Variants in MCUB observed in about 807,000 individuals in gnomAD.
MCUB encodes the protein mitochondrial calcium uniporter dominant negative subunit beta.
In MCUB, 46 loss-of-function variants were observed where a neutral mutation model predicts 41.4. The ratio of observed to expected loss-of-function variants is 1.11; its 90% CI spans 0.88 to 1.42. MCUB has a LOEUF of 1.42. Ranked by LOEUF, MCUB falls within the 40% of genes most tolerant of loss-of-function variation. The pLI, the probability that MCUB is intolerant of heterozygous loss-of-function variation, is 0.00. For synonymous variants in MCUB, 148 were observed against 148.2 expected, an observed-to-expected ratio of 1.00 and a Z score of 0.01; for missense variants, 403 against 404.9, an observed-to-expected ratio of 1.00 and a Z score of 0.04.
At chr4:109,582,141 T>C (rs1470420471) in intron 1 of MCUB, among the ~76,000 whole-genome samples, 1 of 151,996 alleles carries the variant, frequency 6.6e-6, no homozygotes, top group African/African-American at 2.4e-5. Context: ...TGTCCATCAA[T>C]GATAGACCGG....
chr4:109,603,298 T>C (rs1254321011), intron 1 of MCUB, among the ~76,000 whole-genome samples: 2 of 152,216 alleles, frequency 1.3e-5, no homozygotes, highest in Non-Finnish European at 2.9e-5. Flanking sequence ...GGTTTCGCTG[T>C]GTTGGCCGGG....
chr4:109,619,692 T>C (rs1255139628), intron 1 of MCUB, among the ~76,000 whole-genome samples: 2 of 152,142 alleles, frequency 1.3e-5, no homozygotes, highest in East Asian at 3.9e-4. Context: ...GGTGACTGGG[T>C]GGGACTCTGT....
Position 109,650,149 on chromosome 4 carries a change from A to G in MCUB, c.100-8862A>G, listed in dbSNP as rs192012082. Among the ~76,000 whole-genome samples the G allele has an allele frequency of 1.4e-4, 22 of 152,298 alleles. 1 individual carries two copies. The highest frequency in any genetic ancestry group is 5.1e-4 in the African/African-American group (21 of 41,562). ...CCTGAGTTTTGGTGAGTCATTCTTG[A>G]AATTCAGCTCTGCATGCATGATGGG... On this transcript the variant is annotated intron_variant, in intron 1 of 7. Coordinates refer to ENST00000394650, the MANE Select transcript of MCUB (RefSeq NM_017918.5).
At position 109,620,376 on chromosome 4, in the gene MCUB, TAATA is replaced by T. The variant is rs779921355; in HGVS notation, c.100-38631_100-38628del. 3.3e-5 allele frequency among the ~76,000 whole-genome samples: 5 copies of T among 151,818 alleles called. No homozygotes were observed. The South Asian group carries it at 6.3e-4, about 19-fold the overall frequency. On this transcript the variant is annotated intron_variant, in intron 1 of 7. Coordinates refer to ENST00000394650, the MANE Select transcript of MCUB (RefSeq NM_017918.5). ...GTTCCTCACTGGACAGTACTAATTATAATAAATTATTGTATCAGAATTTTATTCA... is the reference window on the plus strand; with the variant it reads ...GTTCCTCACTGGACAGTACTAATTATAATTATTGTATCAGAATTTTATTCA...
intron 1 of MCUB, among the ~76,000 whole-genome samples, chr4:109,604,044 A>T (rs1405006263): frequency 6.6e-6 from 1 of 152,036 alleles, no homozygotes; most frequent in Non-Finnish European, 1.5e-5. Context: ...GTACTAAGAA[A>T]AATTCTTCTG....
intron 4 of MCUB, among the ~76,000 whole-genome samples, chr4:109,671,441 G>T (rs897871984): frequency 6.6e-6 from 1 of 151,840 alleles, no homozygotes; most frequent in Admixed American, 6.6e-5. Flanking sequence ...TTGACCTTCA[G>T]TTTGAGAAAG....
chr4:109,636,445 C>T (rs1728591088), intron 1 of MCUB, among the ~76,000 whole-genome samples: 2 of 152,160 alleles, frequency 1.3e-5, no homozygotes, highest in Non-Finnish European at 2.9e-5. Context: ...CTGGAAAACA[C>T]CAACATTTAA....
chr4:109,658,483 G>A (rs1312626999), intron 1 of MCUB, among the ~76,000 whole-genome samples: 4 of 152,092 alleles, frequency 2.6e-5, no homozygotes, highest in Non-Finnish European at 4.4e-5. Context: ...TTTTAGTGGA[G>A]ACAGGGTTTC....
chr4:109,636,223 T>G (rs1728585804), intron 1 of MCUB, among the ~76,000 whole-genome samples: 1 of 152,150 alleles, frequency 6.6e-6, no homozygotes, highest in Non-Finnish European at 1.5e-5. Flanking sequence ...TAGAGGCAAT[T>G]TCTAAAACAT....
intron 1 of MCUB, among the ~76,000 whole-genome samples, chr4:109,658,522 C>T (rs1179862544): frequency 1.3e-5 from 2 of 152,124 alleles, no homozygotes; most frequent in Non-Finnish European, 2.9e-5. Context: ...GTCGCGAACT[C>T]CTGACCTCAG....
chr4:109,643,103 A>G (rs1036966074), intron 1 of MCUB, among the ~76,000 whole-genome samples: 1 of 151,562 alleles, frequency 6.6e-6, no homozygotes, highest in Non-Finnish European at 1.5e-5. Context: ...ACTCTCAGCT[A>G]GATTTTAATA....
At chr4:109,590,412 C>T (rs553819264) in intron 1 of MCUB, among the ~76,000 whole-genome samples, 3 of 152,230 alleles carry the variant, frequency 2.0e-5, no homozygotes, top group Admixed American at 2.0e-4. Flanking sequence ...CGTGTGTTAT[C>T]TAGCTGTTTT....
At chr4:109,623,524 G>A (rs1728297636) in intron 1 of MCUB, among the ~76,000 whole-genome samples, 1 of 152,166 alleles carries the variant, frequency 6.6e-6, no homozygotes. Context: ...GATAATTGTG[G>A]ATAATAAATA....
At chr4:109,625,102 T>G (rs1193401588) in intron 1 of MCUB, among the ~76,000 whole-genome samples, 1 of 152,084 alleles carries the variant, frequency 6.6e-6, no homozygotes, top group Non-Finnish European at 1.5e-5. Context: ...ATCGCACCAC[T>G]GCACTCCAGC....
chr4:109,655,539 C>T (rs1376985619), intron 1 of MCUB, among the ~76,000 whole-genome samples: 1 of 152,090 alleles, frequency 6.6e-6, no homozygotes, highest in African/African-American at 2.4e-5. Context: ...ACCACAGAAA[C>T]TTCAATCGCT....
rs59905504 is a variant in MCUB at position 109,673,906 on chromosome 4, C to T, written c.452-8676C>T. 0.011 allele frequency: 8,933 copies of T among 776,832 alleles called. 574 individuals carry two copies. In the African/African-American group the frequency reaches 0.13, roughly 12 times the overall value. The allele number at this position is 776,832 out of a possible 1,614,324, so 48.1% of individuals were successfully genotyped here. ...GGAATATCAGGGATCCAAACTTATT[C>T]GAAAAGCTAAAGAGGCACCATTCGT... On this transcript the variant is annotated intron_variant, in intron 4 of 7. Transcript: ENST00000394650.
intron 3 of MCUB, among the ~76,000 whole-genome samples, chr4:109,661,762 G>A (rs1471421434): frequency 6.6e-6 from 1 of 152,154 alleles, no homozygotes; most frequent in Non-Finnish European, 1.5e-5. Flanking sequence ...GCCGCATGCG[G>A]TGGCTCACAC....
At chr4:109,674,491 A>AC (rs1729530526) in intron 4 of MCUB, among the ~76,000 whole-genome samples, 3 of 152,224 alleles carry the variant, frequency 2.0e-5, no homozygotes, top group Non-Finnish European at 4.4e-5. Context: ...GATGTTGTAT[A>AC]AGAGTCCTAT....
At chr4:109,599,677 A>G (rs2522547) in intron 1 of MCUB, among the ~76,000 whole-genome samples, 10 of 142,210 alleles carry the variant, frequency 7.0e-5, no homozygotes, top group Non-Finnish European at 1.2e-4. Context: ...ATATTTATTT[A>G]TTTATTTTTT....
Sources: gnomAD v4.1 joint callset for allele counts (sites outside exome capture counted in the v4.1 genomes callset) on GRCh38, gnomAD v4.1.1 for gene constraint, MANE v1.5 for transcripts, NCBI Gene and HGNC (gene_info 2026-07-23, HGNC 2026-07-21) for gene names.